BCL3: variants seen among roughly 807,000 people sequenced by gnomAD.
BCL3 encodes the protein B-cell lymphoma 3 protein.
BCL3 carries 15 observed loss-of-function variants against 35.7 expected under a neutral mutation model. The ratio of observed to expected loss-of-function variants is 0.42; its 90% CI spans 0.28 to 0.65. The LOEUF is 0.65. BCL3 is among the 30% of genes least tolerant of loss of function. The pLI, the probability that BCL3 is intolerant of heterozygous loss-of-function variation, is 0.22. For synonymous variants in BCL3, 311 were observed against 284.3 expected, an observed-to-expected ratio of 1.09 and a Z score of -0.95; for missense variants, 565 against 641.7, an observed-to-expected ratio of 0.88 and a Z score of 1.29.
At chr19:44,751,614 T>G (rs1967182068) in intron 2 of BCL3, among the ~76,000 whole-genome samples, 1 of 152,164 alleles carries the variant, frequency 6.6e-6, no homozygotes, top group Admixed American at 6.5e-5. Context: ...TTGTTTTTGT[T>G]TTTTTGAGAC....
chr19:44,754,959 T>C (rs977245028), intron 2 of BCL3, among the ~76,000 whole-genome samples: 4 of 152,240 alleles, frequency 2.6e-5, no homozygotes, highest in Non-Finnish European at 5.9e-5. Context: ...CAGAACCACC[T>C]GGGAGGCTAG....
intron 1 of BCL3, among the ~76,000 whole-genome samples, chr19:44,749,951 C>G (rs914072377): frequency 4.6e-5 from 7 of 152,162 alleles, no homozygotes; most frequent in African/African-American, 1.7e-4. Flanking sequence ...CCACAAGGAT[C>G]AGCAGATGAC....
intron 3 of BCL3, 39 bp from the exon 4 acceptor site, chr19:44,756,978 A>G (rs1417245573): frequency 1.3e-6 from 2 of 1,547,470 alleles, no homozygotes; most frequent in African/African-American, 1.4e-5. Flanking sequence ...ACTAGAGAGC[A>G]GGGCTGGACA....
chr19:44,758,349 G>T lies in BCL3; in HGVS notation c.995G>T (p.Gly332Val). 6.4e-7 allele frequency: 1 copy of T among 1,557,230 alleles called. No homozygotes were observed. Among genetic ancestry groups the T allele is most frequent in the Middle Eastern group, 1.9e-4 (1 of 5,156 alleles). ...CTGGTGCGCACGCTGGTCCGCAGCGGCGCTGACAGCAGCCTCAAGAACTGC... is the reference window on the plus strand; with the variant it reads ...CTGGTGCGCACGCTGGTCCGCAGCGTCGCTGACAGCAGCCTCAAGAACTGC... ...LPLVRTLVRS[G>V]ADSSLKNCHN... The change falls in exon 7 of 9, where the codon GGC becomes GTC. Residue 332 changes from glycine (G) to valine (V), a missense_variant. Physicochemically the swap from Gly to Val is moderately radical, Grantham distance 109. This residue lies in a region of BCL3 where 39 missense variants were observed against 88.1 expected (regional missense o/e 0.44). Coordinates refer to ENST00000164227, the MANE Select transcript of BCL3 (RefSeq NM_005178.5).
Position 44,749,022 on chromosome 19 carries a change from C to G in BCL3, c.232C>G (p.Arg78Gly). 7.4e-7 allele frequency: 1 copy of G among 1,360,200 alleles called. No homozygotes were observed. Among genetic ancestry groups the G allele is most frequent in the Middle Eastern group, 2.6e-4 (1 of 3,810 alleles). The allele number at this position is 1,360,200 out of a possible 1,614,324, so 84.3% of individuals were successfully genotyped here. ...CCCCGGGCCCCCCCACGGCCTGGCC[C>G]GGCCGGAGGCGCTTTACTACCCCGG... The part of the protein sequence containing the change: ...AVPGPPHGLA[R>G]PEALYYPGAL... Residue 78 changes from arginine to glycine, a missense_variant, in exon 1 of 9, where the codon CGG becomes GGG. Around this residue, in one of 5 missense-constraint regions of BCL3, gnomAD observed 267 missense variants for 281.5 expected, o/e 0.95. Transcript: ENST00000164227.
Position 44,748,994 on chromosome 19 carries a change from G to A in BCL3, c.204G>A (p.Ala68=). The A allele has an allele frequency of 3.6e-6, 5 of 1,384,864 alleles. No individual in the cohort carries two copies. Among genetic ancestry groups the A allele is most frequent in the Non-Finnish European group, 4.7e-6 (5 of 1,067,680 alleles). 85.8% of individuals were successfully genotyped at this position (1,384,864 alleles called of 1,614,324 possible). A position where few individuals can be genotyped will look rare whatever the true frequency, so the allele number is the denominator to read the frequency against. Residue 68 remains alanine, a synonymous_variant, in exon 1 of 9, where the codon GCG becomes GCA. Coordinates refer to ENST00000164227, the MANE Select transcript of BCL3 (RefSeq NM_005178.5). Reference sequence around the variant, plus strand: ...TGCGCGGCGGCTGCGACCTGCCGGCGGTCCCCGGGCCCCCCCACGGCCTGG... The same window carrying A: ...TGCGCGGCGGCTGCGACCTGCCGGCAGTCCCCGGGCCCCCCCACGGCCTGG... The part of the protein sequence containing the change: ...DPLRGGCDLP[A]VPGPPHGLAR...
rs879755738 is a variant in BCL3 at position 44,753,544 on chromosome 19, G to A, written c.410+2164G>A. 7.2e-5 allele frequency among the ~76,000 whole-genome samples: 11 copies of A among 152,276 alleles called. 1 individual carries two copies. The South Asian group carries it at 2.3e-3, about 32-fold the overall frequency. On this transcript the variant is annotated intron_variant, in intron 2 of 8. Transcript: ENST00000164227. ...CACTCGCAGCCTCCCCCCTCCTGGCGCTTCCTCCAACCTTAACCCCTTCCG... is the reference window on the plus strand; with the variant it reads ...CACTCGCAGCCTCCCCCCTCCTGGCACTTCCTCCAACCTTAACCCCTTCCG...
At chr19:44,748,642 G>A (rs1455260153), upstream of BCL3, 109 of 983,704 alleles carry the variant, frequency 1.1e-4, no homozygotes, top group Non-Finnish European at 1.1e-4. Flanking sequence ...GGGGGGGCCG[G>A]GGGCGGGGAG....
Position 44,748,985 on chromosome 19 carries a change from C to G in BCL3, c.195C>G (p.Asp65Glu). The G allele has an allele frequency of 7.2e-7, 1 of 1,383,794 alleles. No individual in the cohort carries two copies. 85.7% of individuals were successfully genotyped at this position (1,383,794 alleles called of 1,614,324 possible). The change falls in exon 1 of 9, where the codon GAC (aspartate) becomes GAG (glutamate). Residue 65 changes from aspartate to glutamate, a missense_variant. Physicochemically the swap from Asp to Glu is conservative, Grantham distance 45. Coordinates refer to ENST00000164227, the MANE Select transcript of BCL3 (RefSeq NM_005178.5). ...VPLDPLRGGC[D>E]LPAVPGPPHG... ...TGGACCCTCTGCGCGGCGGCTGCGA[C>G]CTGCCGGCGGTCCCCGGGCCCCCCC...
chr19:44,758,903 C>A, intron 8 of BCL3, 62 bp downstream of exon 8: 1 of 1,342,178 alleles, frequency 7.5e-7, no homozygotes, highest in Non-Finnish European at 1.0e-6. Context: ...GGAATCCCAA[C>A]CCACAGCCCC....
chr19:44,756,967 G>A, intron 3 of BCL3, 50 bp from the exon 4 acceptor site: 1 of 1,517,354 alleles, frequency 6.6e-7, no homozygotes, highest in Non-Finnish European at 9.0e-7. Flanking sequence ...GGGGAGGCAG[G>A]ACTAGAGAGC....
chr19:44,756,973 A>G, intron 3 of BCL3, 44 bp from the exon 4 acceptor site: 2 of 1,534,496 alleles, frequency 1.3e-6, no homozygotes, highest in Admixed American at 1.8e-5. Context: ...GCAGGACTAG[A>G]GAGCAGGGCT....
chr19:44,756,225 C>T lies in BCL3; in HGVS notation c.411-7C>T. 3 of 1,465,006 alleles carry T rather than the reference C, an allele frequency of 2.0e-6. No individual in the cohort carries two copies. Among genetic ancestry groups the T allele is most frequent in the Non-Finnish European group, 2.7e-6 (3 of 1,098,230 alleles). The allele number at this position is 1,465,006 out of a possible 1,614,324, so 90.8% of individuals were successfully genotyped here. A position where few individuals can be genotyped will look rare whatever the true frequency, so the allele number is the denominator to read the frequency against. On this transcript the variant is annotated splice_region_variant and splice_polypyrimidine_tract_variant and intron_variant, in intron 2 of 8. Coordinates refer to ENST00000164227, the MANE Select transcript of BCL3 (RefSeq NM_005178.5). ...TGCCTGTGATTCCTTCACTCCCCCACCCCCAGGCCTCTCCATATTGCTGTG... is the reference window on the plus strand; with the variant it reads ...TGCCTGTGATTCCTTCACTCCCCCATCCCCAGGCCTCTCCATATTGCTGTG...
chr19:44,759,707 G>GC lies in BCL3; in HGVS notation c.*104dup, dbSNP rs67149311. ...CTGGAAACTGTGAAGATCTCACTCT[G>GC]CCCCCCCCCCCCATCTTCGGGACCA... is the stretch of plus-strand genomic sequence containing the variant. On this transcript the variant is annotated 3_prime_UTR_variant, in exon 9 of 9. Coordinates refer to ENST00000164227, the MANE Select transcript of BCL3 (RefSeq NM_005178.5). The GC allele has an allele frequency of 0.15, 80,199 of 530,536 alleles. 1,591 individuals carry two copies. Among genetic ancestry groups the GC allele is most frequent in the East Asian group, 0.17 (4,858 of 27,764 alleles). 32.9% of individuals were successfully genotyped at this position (530,536 alleles called of 1,614,324 possible).
intron 2 of BCL3, among the ~76,000 whole-genome samples, chr19:44,755,913 C>T (rs574650479): frequency 3.9e-5 from 6 of 151,960 alleles, no homozygotes; most frequent in Admixed American, 2.6e-4. Flanking sequence ...AACAACACTC[C>T]GTCTCAAACA....
intron 7 of BCL3, 109 bp from the exon 8 acceptor site, chr19:44,758,615 T>G (rs1318255012): frequency 7.8e-7 from 1 of 1,275,360 alleles, no homozygotes; most frequent in East Asian, 2.5e-5. Context: ...GCCCATCTTT[T>G]CATACTGAGA....
At chr19:44,752,847 G>T (rs759492989) in intron 2 of BCL3, among the ~76,000 whole-genome samples, 14 of 152,204 alleles carry the variant, frequency 9.2e-5, no homozygotes, top group Non-Finnish European at 1.8e-4. Flanking sequence ...TCTCTGGGAG[G>T]AAGAAATGAC....
At position 44,759,716 on chromosome 19, in the gene BCL3, C is replaced by T. The variant is rs1323679018; in HGVS notation, c.*101C>T. 3 of 649,914 alleles carry T rather than the reference C, an allele frequency of 4.6e-6. No homozygotes were observed. The highest frequency in any genetic ancestry group is 2.0e-5 in the South Asian group (1 of 49,492). The allele number at this position is 649,914 out of a possible 1,614,324, so 40.3% of individuals were successfully genotyped here. On this transcript the variant is annotated 3_prime_UTR_variant, in exon 9 of 9. Transcript: ENST00000164227. Reference sequence around the variant, plus strand: ...GTGAAGATCTCACTCTGCCCCCCCCCCCCATCTTCGGGACCAGGATTTGCA... The same window carrying T: ...GTGAAGATCTCACTCTGCCCCCCCCTCCCATCTTCGGGACCAGGATTTGCA...
intron 2 of BCL3, 161 bp from the exon 3 acceptor site, chr19:44,756,071 G>A (rs1222614301): frequency 2.1e-5 from 9 of 437,278 alleles, no homozygotes; most frequent in East Asian, 3.7e-5. Flanking sequence ...TGGAGGGAGC[G>A]GGTGGTAAAT....
Sources: allele counts gnomAD v4.1 joint callset (sites outside exome capture counted in the v4.1 genomes callset), GRCh38; gene constraint gnomAD v4.1.1; regional missense constraint gnomAD v4.1.1; transcripts MANE v1.5; gene names NCBI Gene and HGNC (gene_info 2026-07-23, HGNC 2026-07-21).